The following SFMBT2 variants were observed in gnomAD, a reference collection of about 807,000 sequenced individuals.
SFMBT2 encodes Scm like with four mbt domains 2, also known as scm-like with four MBT domains protein 2.
Under a neutral mutation model 110.1 loss-of-function variants are expected in SFMBT2, and 38 were observed. The ratio of observed to expected loss-of-function variants is 0.35; its 90% CI spans 0.27 to 0.45. The LOEUF is 0.45. Among genes scored for constraint, SFMBT2 ranks in the 20% least tolerant of loss-of-function variants. The pLI is 1.00. For synonymous variants in SFMBT2, 425 were observed against 425.4 expected, an observed-to-expected ratio of 1.00 and a Z score of 0.01; for missense variants, 1,011 against 1,094.9, an observed-to-expected ratio of 0.92 and a Z score of 1.08.
intron 7 of SFMBT2, among the ~76,000 whole-genome samples, chr10:7,251,906 G>A (rs138459813): frequency 3.3e-4 from 50 of 152,210 alleles, no homozygotes; most frequent in South Asian, 1.9e-3. Flanking sequence ...CTATCACCCC[G>A]GCTTTCCTGA....
chr10:7,198,431 G>T (rs770246231), intron 14 of SFMBT2, among the ~76,000 whole-genome samples: 3 of 152,188 alleles, frequency 2.0e-5, no homozygotes, highest in Non-Finnish European at 4.4e-5. Context: ...AGTGGGCCAG[G>T]TAGGCCACAG....
intron 2 of SFMBT2, among the ~76,000 whole-genome samples, chr10:7,377,105 G>C (rs899209669): frequency 5.0e-5 from 7 of 138,848 alleles, no homozygotes; most frequent in African/African-American, 1.6e-4. Flanking sequence ...GGAGTCAGAG[G>C]TTGCAGTGAG....
At chr10:7,233,414 A>T (rs1840166335) in intron 9 of SFMBT2, among the ~76,000 whole-genome samples, 1 of 152,212 alleles carries the variant, frequency 6.6e-6, no homozygotes, top group African/African-American at 2.4e-5. Context: ...AAGGCTCTGA[A>T]GATCTCACTA....
At chr10:7,223,290 C>G (rs747749020) in intron 10 of SFMBT2, among the ~76,000 whole-genome samples, 1 of 152,146 alleles carries the variant, frequency 6.6e-6, no homozygotes, top group Non-Finnish European at 1.5e-5. Flanking sequence ...TCTTCATCAG[C>G]ACCTGGTATT....
intron 12 of SFMBT2, chr10:7,203,004 T>C: frequency 1.0e-6 from 1 of 985,442 alleles, no homozygotes; most frequent in Non-Finnish European, 1.2e-6. Context: ...CAAATACGCC[T>C]GGTCAAATAT....
intron 4 of SFMBT2, among the ~76,000 whole-genome samples, chr10:7,312,076 G>A (rs1374681172): frequency 2.0e-5 from 3 of 152,090 alleles, no homozygotes; most frequent in Non-Finnish European, 4.4e-5. Flanking sequence ...GGGGCCTGTC[G>A]TGGAGTGGGG....
chr10:7,371,822 G>C (rs7900328), intron 2 of SFMBT2, among the ~76,000 whole-genome samples: 3,668 of 151,784 alleles, frequency 0.024, 145 homozygotes, highest in African/African-American at 0.083. Context: ...GTGGCTGGTA[G>C]AGAACTGATA....
intron 9 of SFMBT2, among the ~76,000 whole-genome samples, chr10:7,229,869 C>T (rs998437860): frequency 2.6e-5 from 4 of 151,200 alleles, no homozygotes; most frequent in African/African-American, 4.9e-5. Flanking sequence ...TACAGGCGCC[C>T]GCCACCATGC....
intron 4 of SFMBT2, among the ~76,000 whole-genome samples, chr10:7,356,206 G>A (rs1021184846): frequency 1.3e-5 from 2 of 152,146 alleles, no homozygotes; most frequent in Admixed American, 1.3e-4. Context: ...GTGATTCTCT[G>A]CGTTCTCTAA....
At chr10:7,167,937 G>A (rs938113158) in intron 20 of SFMBT2, among the ~76,000 whole-genome samples, 12 of 152,100 alleles carry the variant, frequency 7.9e-5, no homozygotes, top group African/African-American at 2.9e-4. Context: ...GCATGGTGGC[G>A]GGTGCCTGTA....
chr10:7,163,310 AC>A lies in SFMBT2; in HGVS notation c.*459del. On this transcript the variant is annotated 3_prime_UTR_variant, in exon 21 of 21. Coordinates refer to ENST00000397167, the MANE Select transcript of SFMBT2 (RefSeq NM_001387889.1). This position sits in a 1 kb window ranked among gnomAD's most constrained non-coding sequence, Gnocchi z 4.8. ...CCACCAAGATGAAACCGCAAGTGCC[AC>A]TCAACCAGGGTCACACGCCTATCCA... is the stretch of plus-strand genomic sequence containing the variant. The A allele has an allele frequency of 6.4e-6, 1 of 156,450 alleles. No individual in the cohort carries two copies. The highest frequency in any genetic ancestry group is 1.4e-5 in the Non-Finnish European group (1 of 70,794). The allele number at this position is 156,450 out of a possible 1,614,324, so 9.7% of individuals were successfully genotyped here. A position where few individuals can be genotyped will look rare whatever the true frequency, so the allele number is the denominator to read the frequency against.
chr10:7,378,657 GGT>G (rs1845338081), intron 2 of SFMBT2, among the ~76,000 whole-genome samples: 1 of 145,884 alleles, frequency 6.9e-6, no homozygotes, highest in African/African-American at 2.5e-5. Flanking sequence ...TGTGAGTGTG[GGT>G]GTGTGTGGGT....
At chr10:7,208,138 C>T (rs543925529) in intron 11 of SFMBT2, among the ~76,000 whole-genome samples, 5 of 152,168 alleles carry the variant, frequency 3.3e-5, no homozygotes, top group South Asian at 2.1e-4. Flanking sequence ...ACAGACAAAA[C>T]GTAAAGAGAC....
intron 4 of SFMBT2, among the ~76,000 whole-genome samples, chr10:7,335,581 AAAC>A (rs1843695813): frequency 9.6e-6 from 1 of 104,268 alleles, no homozygotes; most frequent in African/African-American, 3.6e-5. Flanking sequence ...ACAGAAACAG[AAAC>A]ACACACACAC....
intron 4 of SFMBT2, among the ~76,000 whole-genome samples, chr10:7,327,009 G>A (rs762259722): frequency 6.6e-6 from 1 of 151,900 alleles, no homozygotes; most frequent in East Asian, 1.9e-4. Flanking sequence ...ATGCCCTGCG[G>A]ACTACCATGA....
chr10:7,404,119 A>G (rs147140692), intron 1 of SFMBT2, among the ~76,000 whole-genome samples: 91 of 152,314 alleles, frequency 6.0e-4, no homozygotes, highest in Middle Eastern at 6.8e-3. Flanking sequence ...TAAACATCTA[A>G]AAATATTTTT....
intron 10 of SFMBT2, among the ~76,000 whole-genome samples, chr10:7,227,584 C>G (rs192837877): frequency 6.6e-6 from 1 of 152,304 alleles, no homozygotes; most frequent in East Asian, 1.9e-4. Context: ...TCAGGAAGAC[C>G]CTGGGCTCTT....
chr10:7,380,065 C>T (rs761006651), intron 2 of SFMBT2, among the ~76,000 whole-genome samples: 2 of 152,114 alleles, frequency 1.3e-5, no homozygotes, highest in African/African-American at 2.4e-5. Context: ...AGATGATATA[C>T]TACAAAAATA....
chr10:7,312,809 G>C (rs1411335444), intron 4 of SFMBT2, among the ~76,000 whole-genome samples: 1 of 152,216 alleles, frequency 6.6e-6, no homozygotes, highest in African/African-American at 2.4e-5. Flanking sequence ...ATTATAAAGT[G>C]CTGAAACTGA....
Sources: allele counts gnomAD v4.1 joint callset (sites outside exome capture counted in the v4.1 genomes callset), GRCh38; gene constraint gnomAD v4.1.1; non-coding constraint Gnocchi (gnomAD v3.1); transcripts MANE v1.5; gene names NCBI Gene and HGNC (gene_info 2026-07-23, HGNC 2026-07-21).